Variants in LIMCH1 observed in about 807,000 individuals in gnomAD.
The protein encoded by LIMCH1 is LIM and calponin homology domains-containing protein 1.
LIMCH1 carries 113 observed loss-of-function variants against 176.5 expected under a neutral mutation model. The observed-to-expected ratio is 0.64, with a 90% CI of 0.55 to 0.75. The LOEUF is 0.75. LIMCH1 is among the 30% of genes least tolerant of loss of function. The pLI is 0.00. For missense variants in LIMCH1, 1,674 were observed against 1,814.9 expected (o/e 0.92, Z 1.41); for synonymous variants, 619 against 645.9 (o/e 0.96, Z 0.63).
intron 7 of LIMCH1, among the ~76,000 whole-genome samples, chr4:41,625,215 G>A (rs958696154): frequency 2.0e-5 from 3 of 152,240 alleles, no homozygotes; most frequent in East Asian, 1.9e-4. Context: ...CTATTTTGCA[G>A]GGTTGTCATG....
At chr4:41,372,960 C>T (rs1303029626) in intron 1 of LIMCH1, among the ~76,000 whole-genome samples, 1 of 152,126 alleles carries the variant, frequency 6.6e-6, no homozygotes, top group Non-Finnish European at 1.5e-5. Context: ...CAATTTGTCT[C>T]CGTTTGGGAC....
At chr4:41,383,193 G>T (rs878964769) in intron 1 of LIMCH1, among the ~76,000 whole-genome samples, 2 of 152,170 alleles carry the variant, frequency 1.3e-5, no homozygotes, top group Admixed American at 1.3e-4. Flanking sequence ...CACTTAGTAA[G>T]CACCCTTTCT....
intron 1 of LIMCH1, among the ~76,000 whole-genome samples, chr4:41,589,775 T>C (rs1190965665): frequency 6.6e-6 from 1 of 152,198 alleles, no homozygotes; most frequent in Non-Finnish European, 1.5e-5. Context: ...TCTCCTGTGT[T>C]CCTGGGCTGG....
At chr4:41,492,814 T>G (rs1231830445) in intron 1 of LIMCH1, among the ~76,000 whole-genome samples, 1 of 152,222 alleles carries the variant, frequency 6.6e-6, no homozygotes, top group African/African-American at 2.4e-5. Context: ...TATGAATGTT[T>G]AGGATTCTTG....
In LIMCH1 at chr4:41,692,366, T is replaced by A; in HGVS notation, c.4360T>A (p.Cys1454Ser). 6 of 1,608,840 alleles carry A rather than the reference T, an allele frequency of 3.7e-6. No individual in the cohort carries two copies. The highest frequency in any genetic ancestry group is 5.1e-6 in the Non-Finnish European group (6 of 1,175,296). Residue 1454 changes from cysteine to serine, a missense_variant, in exon 31 of 32, where the codon TGC becomes AGC. By Grantham distance (112) the Cys-to-Ser change is moderately radical. This residue lies in a region of LIMCH1 where 1,015 missense variants were observed against 1,102.5 expected (regional missense o/e 0.92). Coordinates refer to ENST00000503057, the MANE Select transcript of LIMCH1 (RefSeq NM_001330672.2). Reference protein sequence around the residue: ...IRNGLLNCNDCYMRSRSAGQP... With the variant: ...IRNGLLNCNDSYMRSRSAGQP... ...AAATGGTCTCCTGAACTGTAATGAT[T>A]GCTACATGCGATCCAGAAGTAAGTA...
At chr4:41,458,222 A>G (rs1470624965) in intron 1 of LIMCH1, among the ~76,000 whole-genome samples, 1 of 152,202 alleles carries the variant, frequency 6.6e-6, no homozygotes, top group Non-Finnish European at 1.5e-5. Context: ...AAGAACTTGT[A>G]ACAAGCCAAT....
chr4:41,516,216 T>A (rs2075568499), intron 2 of LIMCH1, among the ~76,000 whole-genome samples: 1 of 152,020 alleles, frequency 6.6e-6, no homozygotes, highest in Non-Finnish European at 1.5e-5. Flanking sequence ...GGTGAAGGCA[T>A]TTGGAGGGCA....
intron 22 of LIMCH1, among the ~76,000 whole-genome samples, chr4:41,672,827 C>A (rs1191281590): frequency 6.6e-6 from 1 of 152,146 alleles, no homozygotes; most frequent in Non-Finnish European, 1.5e-5. Flanking sequence ...CACTACTGTG[C>A]CTTTGATTCT....
intron 30 of LIMCH1, 45 bp from the exon 31 acceptor site, chr4:41,692,233 GAAAC>G (rs778789610): frequency 1.8e-6 from 2 of 1,099,914 alleles, no homozygotes; most frequent in Admixed American, 3.4e-5. Context: ...GCATTAGAAA[GAAAC>G]AATTCCTTAT....
chr4:41,426,052 C>T (rs1420971947), intron 1 of LIMCH1, among the ~76,000 whole-genome samples: 7 of 127,472 alleles, frequency 5.5e-5, no homozygotes, highest in Admixed American at 9.5e-5. Context: ...GACGGAGTCT[C>T]GCTCTGTCGC....
At chr4:41,635,604 G>A (rs34048394) in intron 13 of LIMCH1, among the ~76,000 whole-genome samples, 16,184 of 152,162 alleles carry the variant, frequency 0.11, 1,186 homozygotes, top group Admixed American at 0.22. Flanking sequence ...GCACAGGGAG[G>A]AATGGTCAGG....
chr4:41,480,958 G>A (rs1196996624), intron 1 of LIMCH1, among the ~76,000 whole-genome samples: 1 of 152,036 alleles, frequency 6.6e-6, no homozygotes, highest in East Asian at 1.9e-4. Flanking sequence ...ATCATACAAG[G>A]GCTCGATCAG....
chr4:41,603,821 A>G, intron 2 of LIMCH1, 54 bp from the exon 3 acceptor site: 1 of 1,297,076 alleles, frequency 7.7e-7, no homozygotes, highest in Non-Finnish European at 1.1e-6. Flanking sequence ...AGGAAAGGTC[A>G]CAATTTAGAA....
intron 1 of LIMCH1, among the ~76,000 whole-genome samples, chr4:41,584,874 A>C (rs1302395287): frequency 6.6e-6 from 1 of 152,154 alleles, no homozygotes; most frequent in Non-Finnish European, 1.5e-5. Flanking sequence ...TTTATTTCTC[A>C]CAGTTCTGGA....
chr4:41,475,613 A>G (rs1324266213), intron 1 of LIMCH1, among the ~76,000 whole-genome samples: 2 of 152,090 alleles, frequency 1.3e-5, no homozygotes, highest in East Asian at 3.9e-4. Flanking sequence ...CCTTAGTCCT[A>G]GGTCATTTCT....
At chr4:41,578,333 G>C (rs1479284779) in intron 1 of LIMCH1, among the ~76,000 whole-genome samples, 1 of 152,152 alleles carries the variant, frequency 6.6e-6, no homozygotes, top group African/African-American at 2.4e-5. Flanking sequence ...ACAGCGTAGA[G>C]GAAACTGCCC....
chr4:41,446,932 T>C (rs911871308), intron 1 of LIMCH1, among the ~76,000 whole-genome samples: 2 of 152,160 alleles, frequency 1.3e-5, no homozygotes, highest in African/African-American at 2.4e-5. Flanking sequence ...GAAGGTTAAA[T>C]TTATTCAATG....
chr4:41,444,753 A>G (rs2063101668), intron 1 of LIMCH1, among the ~76,000 whole-genome samples: 2 of 152,194 alleles, frequency 1.3e-5, no homozygotes, highest in South Asian at 2.1e-4. Flanking sequence ...CTTGCTCAAC[A>G]TTGGGGATTT....
chr4:41,448,984 T>C (rs1288512270), intron 1 of LIMCH1, among the ~76,000 whole-genome samples: 1 of 152,100 alleles, frequency 6.6e-6, no homozygotes, highest in Non-Finnish European at 1.5e-5. Context: ...GATACAGTAT[T>C]ACATTATCAA....
Sources: allele counts gnomAD v4.1 joint callset (sites outside exome capture counted in the v4.1 genomes callset), GRCh38; gene constraint gnomAD v4.1.1; regional missense constraint gnomAD v4.1.1; transcripts MANE v1.5; gene names NCBI Gene and HGNC (gene_info 2026-07-23, HGNC 2026-07-21).